Variants in NEK1 observed in about 807,000 individuals in gnomAD.
NEK1 encodes the protein NIMA related kinase 1.
A neutral mutation model predicts 182.1 loss-of-function variants in NEK1; 137 were observed. That is an observed-to-expected ratio of 0.75 (90% CI 0.65 to 0.87). The LOEUF (loss-of-function observed/expected upper bound fraction) is 0.87. Among genes scored for constraint, NEK1 ranks in the 40% least tolerant of loss-of-function variants. The pLI, the probability that NEK1 is intolerant of heterozygous loss-of-function variation, is 0.00. For missense variants in NEK1, 1,391 were observed against 1,494.4 expected (o/e 0.93, Z 1.14); for synonymous variants, 513 against 492.2 (o/e 1.04, Z -0.56).
chr4:169,563,138 C>A (rs968658353), intron 12 of NEK1, among the ~76,000 whole-genome samples: 1 of 151,966 alleles, frequency 6.6e-6, no homozygotes, highest in African/African-American at 2.4e-5. Flanking sequence ...GATAGGAGGA[C>A]TGCTTGAGCC....
In NEK1 at chr4:169,475,711, A is replaced by G. The variant is rs1486664250; in HGVS notation, c.2434+1413T>C. On this transcript the variant is annotated intron_variant, in intron 26 of 35. Coordinates refer to ENST00000507142, the MANE Select transcript of NEK1 (RefSeq NM_001199397.3). ...TAAAGACATTAATAAAATTTTCACA[A>G]CTGTATTCCATATGATCAAAAAAGT... is the stretch of plus-strand genomic sequence containing the variant. 2.6e-5 allele frequency among the ~76,000 whole-genome samples: 4 copies of G among 152,180 alleles called. No individual in the cohort carries two copies. In the East Asian group the frequency reaches 7.7e-4, roughly 29 times the overall value.
intron 5 of NEK1, among the ~76,000 whole-genome samples, chr4:169,598,321 A>G (rs894463403): frequency 5.9e-5 from 9 of 152,190 alleles, no homozygotes; most frequent in African/African-American, 1.4e-4. Context: ...CTACTCCCCT[A>G]TGTAAAAGCG....
intron 31 of NEK1, among the ~76,000 whole-genome samples, chr4:169,418,924 C>A (rs1296360920): frequency 2.0e-5 from 3 of 152,054 alleles, no homozygotes; most frequent in African/African-American, 4.8e-5. Context: ...AACACACACA[C>A]ATTACAGACC....
At chr4:169,589,613 G>A (rs1768103180) in intron 6 of NEK1, 99 bp from the exon 7 acceptor site, 5 of 755,620 alleles carry the variant, frequency 6.6e-6, no homozygotes, top group Non-Finnish European at 8.5e-6. Context: ...TAAAAAAATT[G>A]TGCTAGAGTA....
At position 169,589,444 on chromosome 4, in the gene NEK1, T is replaced by C; in HGVS notation, c.464+3A>G. ...TCAAAACAAAGTTTAAAATTCATGT[T>C]ACCTATTAAGAACTCTAGCAATTCC... On this transcript the variant is annotated splice_donor_region_variant and intron_variant, in intron 7 of 35. Transcript: ENST00000507142. 2 of 1,457,412 alleles carry C rather than the reference T, an allele frequency of 1.4e-6. No individual in the cohort carries two copies. Among genetic ancestry groups the C allele is most frequent in the Admixed American group, 2.1e-5 (1 of 46,704 alleles). The allele number at this position is 1,457,412 out of a possible 1,614,324, so 90.3% of individuals were successfully genotyped here.
At chr4:169,586,833 T>C (rs532495207) in intron 9 of NEK1, among the ~76,000 whole-genome samples, 1 of 152,164 alleles carries the variant, frequency 6.6e-6, no homozygotes, top group South Asian at 2.1e-4. Context: ...AAACTTCTTA[T>C]AAAGTCTAAT....
intron 11 of NEK1, among the ~76,000 whole-genome samples, chr4:169,579,422 G>A (rs1766236701): frequency 1.3e-5 from 2 of 152,144 alleles, no homozygotes; most frequent in South Asian, 4.1e-4. Context: ...CTGATTCTTG[G>A]TCTCTTGTAA....
intron 5 of NEK1, among the ~76,000 whole-genome samples, chr4:169,597,788 G>A (rs1272168453): frequency 1.3e-5 from 2 of 152,010 alleles, no homozygotes; most frequent in African/African-American, 4.8e-5. Flanking sequence ...CAAAAAATTA[G>A]CCAGGCGTGG....
chr4:169,499,844 G>A (rs1287180311), intron 23 of NEK1, among the ~76,000 whole-genome samples: 1 of 152,212 alleles, frequency 6.6e-6, no homozygotes, highest in Non-Finnish European at 1.5e-5. Flanking sequence ...CTACTCGGGG[G>A]TCAGGGACCC....
At chr4:169,571,176 A>AC (rs1764760773) in intron 12 of NEK1, among the ~76,000 whole-genome samples, 2 of 122,852 alleles carry the variant, frequency 1.6e-5, no homozygotes, top group African/African-American at 3.0e-5. Context: ...AATGATCAAT[A>AC]AAAAAATAAA....
chr4:169,570,455 T>TG (rs1167674045), intron 12 of NEK1, among the ~76,000 whole-genome samples: 3 of 141,752 alleles, frequency 2.1e-5, no homozygotes, highest in Non-Finnish European at 3.1e-5. Context: ...GGGAGGGAGG[T>TG]GGGGGGATCA....
intron 2 of NEK1, among the ~76,000 whole-genome samples, chr4:169,609,001 C>T (rs1771856832): frequency 7.0e-6 from 1 of 143,540 alleles, no homozygotes; most frequent in Non-Finnish European, 1.5e-5. Context: ...GCAGAGGTTG[C>T]AGTGAGCTGA....
intron 26 of NEK1, among the ~76,000 whole-genome samples, chr4:169,471,902 A>T (rs987428232): frequency 2.0e-5 from 3 of 152,106 alleles, no homozygotes; most frequent in African/African-American, 7.2e-5. Context: ...TTCTGCACCC[A>T]GTTCAAACTT....
At chr4:169,482,998 C>T (rs867984744) in intron 23 of NEK1, among the ~76,000 whole-genome samples, 3 of 152,116 alleles carry the variant, frequency 2.0e-5, no homozygotes, top group South Asian at 2.1e-4. Context: ...GGATAACTGG[C>T]GCAAGAGGCT....
chr4:169,521,938 G>A (rs1391961525), intron 19 of NEK1, among the ~76,000 whole-genome samples: 1 of 152,158 alleles, frequency 6.6e-6, no homozygotes, highest in Non-Finnish European at 1.5e-5. Context: ...ATCTATAGGT[G>A]AGAAATTTTC....
intron 28 of NEK1, among the ~76,000 whole-genome samples, chr4:169,437,312 T>C (rs1456448441): frequency 6.6e-6 from 1 of 152,160 alleles, no homozygotes; most frequent in Non-Finnish European, 1.5e-5. Context: ...GGCCTGACTT[T>C]GTTATCATAT....
intron 23 of NEK1, among the ~76,000 whole-genome samples, chr4:169,496,032 T>C (rs184770560): frequency 1.1e-3 from 175 of 152,358 alleles, no homozygotes; most frequent in African/African-American, 4.0e-3. Context: ...TTCCCACCCA[T>C]GAGCATGGAA....
chr4:169,425,670 C>A (rs535286715), intron 30 of NEK1, among the ~76,000 whole-genome samples: 32 of 152,148 alleles, frequency 2.1e-4, no homozygotes, highest in African/African-American at 7.5e-4. Context: ...AGGCATGCCA[C>A]CATGCCTGGC....
In NEK1 at chr4:169,513,583, T is replaced by C. The variant is rs140992075; in HGVS notation, c.1666-4731A>G. 7.3e-3 allele frequency among the ~76,000 whole-genome samples: 1,118 copies of C among 152,304 alleles called. 24 individuals carry two copies. Among genetic ancestry groups the C allele is most frequent in the African/African-American group, 0.025 (1,054 of 41,570 alleles). ...CCCCTTCTTGCTTTATTGCAGTAACTACAACTTACAGTACAATGTCAAATA... is the reference window on the plus strand; with the variant it reads ...CCCCTTCTTGCTTTATTGCAGTAACCACAACTTACAGTACAATGTCAAATA... On this transcript the variant is annotated intron_variant, in intron 19 of 35. Transcript: ENST00000507142.
Sources: allele counts gnomAD v4.1 joint callset (sites outside exome capture counted in the v4.1 genomes callset), GRCh38; gene constraint gnomAD v4.1.1; transcripts MANE v1.5; gene names NCBI Gene and HGNC (gene_info 2026-07-23, HGNC 2026-07-21).